Variants in BAAT observed in about 807,000 individuals in gnomAD.
The protein encoded by BAAT is bile acid CoA: amino acid N-acyltransferase (glycine N-choloyltransferase).
A neutral mutation model predicts 18.9 loss-of-function variants in BAAT; 13 were observed. The observed-to-expected ratio is 0.69, with a 90% confidence interval of 0.45 to 1.10. The LOEUF (loss-of-function observed/expected upper bound fraction) is 1.10. Ranked by LOEUF, BAAT falls within the 50% of genes least tolerant of loss-of-function variation. The pLI is 0.00. For missense variants in BAAT, 489 were observed against 504.0 expected (o/e 0.97, Z 0.28); for synonymous variants, 170 against 190.7 (o/e 0.89, Z 0.89).
At chr9:101,380,427 T>C (rs1406615240) in intron 1 of BAAT, among the ~76,000 whole-genome samples, 1 of 152,184 alleles carries the variant, frequency 6.6e-6, no homozygotes. Context: ...AGAAACTGTT[T>C]TGTCACTCTC....
intron 3 of BAAT, among the ~76,000 whole-genome samples, 194 bp from the exon 4 acceptor site, chr9:101,363,209 A>C (rs1389574601): frequency 6.6e-6 from 1 of 152,218 alleles, no homozygotes; most frequent in African/African-American, 2.4e-5. Context: ...GTCAAGCTTT[A>C]CCGACTATAT....
At chr9:101,370,405 G>A (rs890684073) in intron 2 of BAAT, among the ~76,000 whole-genome samples, 7 of 134,414 alleles carry the variant, frequency 5.2e-5, no homozygotes, top group African/African-American at 1.7e-4. Flanking sequence ...CTCAATCTCC[G>A]AGGCTCAAGA....
chr9:101,362,637 T>C lies in BAAT; in HGVS notation c.1048A>G (p.Asn350Asp). Residue 350 changes from asparagine (N) to aspartate (D), a missense_variant, in exon 4 of 4, where the codon AAC becomes GAC. Transcript: ENST00000259407. ...GGGTAAGATAGCAGGGTCCAGTTGT[T>C]CTTCCCATGTCTCTTCAGCTGTCCT... ...AIGQLKRHGK[N>D]NWTLLSYPGA... 1.2e-6 allele frequency: 2 copies of C among 1,614,142 alleles called. No individual in the cohort carries two copies. The highest frequency in any genetic ancestry group is 1.7e-6 in the Non-Finnish European group (2 of 1,180,018).
chr9:101,370,800 G>T (rs1829922302), intron 2 of BAAT, 139 bp downstream of exon 2: 5 of 949,786 alleles, frequency 5.3e-6, no homozygotes, highest in Non-Finnish European at 8.3e-6. Context: ...TTTCTGGAGG[G>T]ATAATGCATT....
Position 101,371,399 on chromosome 9 carries a change from G to T in BAAT, c.6C>A (p.Ile2=). Residue 2 remains isoleucine, a synonymous_variant, in exon 2 of 4, where the codon ATC becomes ATA. Coordinates refer to ENST00000259407, the MANE Select transcript of BAAT (RefSeq NM_001701.4). M[I]QLTATPVSAL... ...CACTCACAGGGGTAGCTGTCAACTG[G>T]ATCATTTTTTTAGTGTGGCACCTGG... 3 of 1,608,946 alleles carry T rather than the reference G, an allele frequency of 1.9e-6. No individual in the cohort carries two copies. Among genetic ancestry groups the T allele is most frequent in the Non-Finnish European group, 2.5e-6 (3 of 1,179,890 alleles).
At chr9:101,365,032 T>C (rs966107909) in intron 3 of BAAT, among the ~76,000 whole-genome samples, 10 of 152,138 alleles carry the variant, frequency 6.6e-5, no homozygotes, top group Non-Finnish European at 1.5e-4. Flanking sequence ...GCAGTAAAAA[T>C]GAAAAGGAAA....
At position 101,371,279 on chromosome 9, in the gene BAAT, G is replaced by A; in HGVS notation, c.126C>T (p.Asp42=). 6.2e-7 allele frequency: 1 copy of A among 1,613,144 alleles called. No individual in the cohort carries two copies. The highest frequency in any genetic ancestry group is 8.5e-7 in the Non-Finnish European group (1 of 1,179,298). ...FQASLEDENG[D]MFYSQAHYRA... is the part of the protein sequence containing the mutation. ...TATAGTGGGCTTGAGAATAAAACAT[G>A]TCTCCGTTTTCATCTTCCAGTGATG... Residue 42 remains aspartate (D), a synonymous_variant, in exon 2 of 4, where the codon GAC becomes GAT. Coordinates refer to ENST00000259407, the MANE Select transcript of BAAT (RefSeq NM_001701.4).
At chr9:101,372,912 G>A (rs1829979308) in intron 1 of BAAT, among the ~76,000 whole-genome samples, 1 of 152,196 alleles carries the variant, frequency 6.6e-6, no homozygotes, top group African/African-American at 2.4e-5. Flanking sequence ...CACAGAGTAA[G>A]TCTTTCTCTA....
chr9:101,377,963 A>G (rs1236707926), intron 1 of BAAT, among the ~76,000 whole-genome samples: 2 of 152,146 alleles, frequency 1.3e-5, no homozygotes, highest in Non-Finnish European at 2.9e-5. Flanking sequence ...CCAATATTAG[A>G]CAAGCAGAGA....
chr9:101,360,993 T>C lies in BAAT; in HGVS notation c.*1435A>G, dbSNP rs778507457. The C allele has an allele frequency of 6.3e-5, 11 of 173,812 alleles. No individual in the cohort carries two copies. The Middle Eastern group carries it at 2.6e-3, about 40-fold the overall frequency. 10.8% of individuals were successfully genotyped at this position (173,812 alleles called of 1,614,324 possible). On this transcript the variant is annotated 3_prime_UTR_variant, in exon 4 of 4. Coordinates refer to ENST00000259407, the MANE Select transcript of BAAT (RefSeq NM_001701.4). Reference sequence around the variant, plus strand: ...TGCAAATGTATGGTATGTAAGATCATGTTAGCAGCCAGTGTTGGAGTAAGA... The same window carrying C: ...TGCAAATGTATGGTATGTAAGATCACGTTAGCAGCCAGTGTTGGAGTAAGA...
chr9:101,368,366 G>GA (rs759557701), intron 2 of BAAT, 44 bp from the exon 3 acceptor site: 1 of 1,543,714 alleles, frequency 6.5e-7, no homozygotes, highest in Non-Finnish European at 8.8e-7. Flanking sequence ...AGAAGGTGTG[G>GA]AAAAGATAAG....
intron 1 of BAAT, among the ~76,000 whole-genome samples, chr9:101,380,234 A>G (rs1395355009): frequency 6.6e-6 from 1 of 152,190 alleles, no homozygotes; most frequent in Non-Finnish European, 1.5e-5. Flanking sequence ...CTCTTGTATA[A>G]GAGCACCTAC....
chr9:101,364,509 G>A (rs1189187354), intron 3 of BAAT, among the ~76,000 whole-genome samples: 1 of 152,150 alleles, frequency 6.6e-6, no homozygotes, highest in Non-Finnish European at 1.5e-5. Flanking sequence ...TTATGCTGAT[G>A]TTTAAGCCAC....
chr9:101,369,782 T>A (rs1476289442), intron 2 of BAAT, among the ~76,000 whole-genome samples: 1 of 152,214 alleles, frequency 6.6e-6, no homozygotes, highest in Non-Finnish European at 1.5e-5. Context: ...AAAGGAAAGC[T>A]TTTATTGCTT....
At chr9:101,383,977 C>G (rs138030260) in intron 1 of BAAT, among the ~76,000 whole-genome samples, 2 of 152,150 alleles carry the variant, frequency 1.3e-5, no homozygotes, top group Non-Finnish European at 2.9e-5. Context: ...TCCTACTAAT[C>G]CTCCTCAACT....
At chr9:101,370,694 G>A (rs1358700720) in intron 2 of BAAT, among the ~76,000 whole-genome samples, 1 of 152,084 alleles carries the variant, frequency 6.6e-6, no homozygotes, top group Non-Finnish European at 1.5e-5. Context: ...ACTTGAGCTG[G>A]AGTAGAATAT....
intron 1 of BAAT, among the ~76,000 whole-genome samples, chr9:101,378,494 A>G (rs1830082844): frequency 6.6e-6 from 1 of 152,228 alleles, no homozygotes; most frequent in Non-Finnish European, 1.5e-5. Context: ...TTCCCTATTT[A>G]ATAAACGGTC....
rs1829997958 is a variant in BAAT at position 101,373,829 on chromosome 9, G to T, written c.-59-2366C>A. Among the ~76,000 whole-genome samples the T allele has an allele frequency of 4.6e-5, 7 of 152,084 alleles. No individual in the cohort carries two copies. In the South Asian group the frequency reaches 1.5e-3, roughly 32 times the overall value. On this transcript the variant is annotated intron_variant, in intron 1 of 3. Coordinates refer to ENST00000259407, the MANE Select transcript of BAAT (RefSeq NM_001701.4). ...CAAAGGTCTCGGGGGTAGGGGCGAA[G>T]CCCTTTTCTCCCCATCAATACTGAG...
At position 101,368,101 on chromosome 9, in the gene BAAT, C is replaced by G. The variant is rs766882583; in HGVS notation, c.669+19G>C. On this transcript the variant is annotated intron_variant, in intron 3 of 3. Transcript: ENST00000259407. ...AAAAAACCCCAGGGACTCAAACCTA[C>G]TGAAAAGACAAAAATTACCTTTGGA... 4.4e-6 allele frequency: 7 copies of G among 1,608,420 alleles called. No homozygotes were observed. Among genetic ancestry groups the G allele is most frequent in the Non-Finnish European group, 5.1e-6 (6 of 1,174,786 alleles).
Sources: allele counts gnomAD v4.1 joint callset (sites outside exome capture counted in the v4.1 genomes callset), GRCh38; gene constraint gnomAD v4.1.1; transcripts MANE v1.5; gene names NCBI Gene and HGNC (gene_info 2026-07-23, HGNC 2026-07-21).